The following KIAA1549 variants were observed in gnomAD, a reference collection of about 807,000 sequenced individuals.
KIAA1549 encodes the protein UPF0606 protein KIAA1549.
KIAA1549 carries 70 observed loss-of-function variants against 156.4 expected under a neutral mutation model. The observed-to-expected ratio is 0.45, with a 90% CI of 0.37 to 0.55. KIAA1549 has a LOEUF of 0.55. KIAA1549 is among the 20% of genes least tolerant of loss of function. The pLI is 0.00. For missense variants in KIAA1549, 2,428 were observed against 2,540.9 expected (o/e 0.96, Z 0.96); for synonymous variants, 1,103 against 1,066.4 (o/e 1.03, Z -0.67).
chr7:138,890,405 T>G (rs563166734), intron 10 of KIAA1549, among the ~76,000 whole-genome samples: 5 of 152,370 alleles, frequency 3.3e-5, no homozygotes, highest in African/African-American at 9.6e-5. Context: ...TGAAAGCATT[T>G]ATTACCTGAT....
rs771628594 is a variant in KIAA1549, at chr7:138,861,419, G to A, written c.4967C>T (p.Ser1656Phe). 1.2e-6 allele frequency: 2 copies of A among 1,612,472 alleles called. No individual in the cohort carries two copies. Among genetic ancestry groups the A allele is most frequent in the Non-Finnish European group, 1.7e-6 (2 of 1,179,406 alleles). The change falls in exon 16 of 20, where the codon TCC becomes TTC. Residue 1656 changes from serine to phenylalanine, a missense_variant. Ser to Phe is a radical substitution (Grantham distance 155). Transcript: ENST00000422774. ...TGGATACCTCCCCAGTTCCACCGAG[G>A]ATGGTGTCTGCACATCGGCTGGGAG... is the stretch of plus-strand genomic sequence containing the variant. ...PDLPADVQTP[S>F]SVELGRYPAL... is the part of the protein sequence containing the mutation.
At chr7:138,862,119 A>G (rs1050300594) in intron 15 of KIAA1549, among the ~76,000 whole-genome samples, 1 of 152,170 alleles carries the variant, frequency 6.6e-6, no homozygotes, top group Admixed American at 6.5e-5. Flanking sequence ...GAAGTCAATA[A>G]GTAAAGTAGT....
intron 17 of KIAA1549, among the ~76,000 whole-genome samples, chr7:138,851,287 T>G (rs1563049071): frequency 6.6e-6 from 1 of 152,170 alleles, no homozygotes; most frequent in Non-Finnish European, 1.5e-5. Context: ...TGGATTATCT[T>G]TAAGTTATTT....
intron 1 of KIAA1549, among the ~76,000 whole-genome samples, chr7:138,974,546 T>A (rs922070482): frequency 5.9e-5 from 9 of 151,906 alleles, no homozygotes; most frequent in African/African-American, 2.2e-4. Flanking sequence ...CTCAGCCTCC[T>A]GAGTAGCTGG....
chr7:138,848,219 C>G (rs892841959), intron 17 of KIAA1549, among the ~76,000 whole-genome samples: 3 of 152,150 alleles, frequency 2.0e-5, no homozygotes, highest in Non-Finnish European at 1.5e-5. Context: ...TGTTACAGAG[C>G]AATTTTGAAT....
intron 14 of KIAA1549, 68 bp from the exon 15 acceptor site, chr7:138,868,196 C>A (rs923244563): frequency 1.4e-5 from 21 of 1,470,932 alleles, no homozygotes; most frequent in Non-Finnish European, 1.9e-5. Context: ...ACCAACTAAA[C>A]ACTAAGTACC....
Position 138,919,222 on chromosome 7 carries a change from G to A in KIAA1549, c.404C>T (p.Pro135Leu). ...CACGTAAGTTGCCACAAAGATGCTG[G>A]GATCTGCTGTACTTTTGGTCTGTTT... ...QGKQTKSTAD[P>L]SIFVATYVSV... The change falls in exon 2 of 20, where the codon CCC becomes CTC. Residue 135 changes from proline (P) to leucine (L), a missense_variant. Transcript: ENST00000422774. 1 of 1,613,946 alleles carries A rather than the reference G, an allele frequency of 6.2e-7. No individual in the cohort carries two copies.
At chr7:138,866,009 G>C (rs1485966963) in intron 15 of KIAA1549, among the ~76,000 whole-genome samples, 2 of 152,084 alleles carry the variant, frequency 1.3e-5, no homozygotes, top group African/African-American at 4.8e-5. Context: ...ACCCTGGGGA[G>C]CCCTCCCCAG....
At chr7:138,920,244 T>C (rs1052476814) in intron 1 of KIAA1549, among the ~76,000 whole-genome samples, 3 of 152,246 alleles carry the variant, frequency 2.0e-5, no homozygotes, top group Non-Finnish European at 4.4e-5. Flanking sequence ...TATGGATGGC[T>C]CCTTCTGGCC....
At position 138,835,468 on chromosome 7, in the gene KIAA1549, C is replaced by T. The variant is rs936006721; in HGVS notation, c.*2438G>A. ...TTGAAAGACATCAAAATTGCTTTTA[C>T]GGTCAGCCCAATTTGAAACAGAACC... is the stretch of plus-strand genomic sequence containing the variant. On this transcript the variant is annotated 3_prime_UTR_variant, in exon 20 of 20. Coordinates refer to ENST00000422774, the MANE Select transcript of KIAA1549 (RefSeq NM_001164665.2). 1.4e-5 allele frequency: 3 copies of T among 217,488 alleles called. No individual in the cohort carries two copies. Among genetic ancestry groups the T allele is most frequent in the Non-Finnish European group, 1.9e-5 (2 of 108,104 alleles). The allele number at this position is 217,488 out of a possible 1,614,324, so 13.5% of individuals were successfully genotyped here. A position where few individuals can be genotyped will look rare whatever the true frequency, so the allele number is the denominator to read the frequency against.
intron 8 of KIAA1549, among the ~76,000 whole-genome samples, chr7:138,900,440 A>T (rs1811809026): frequency 6.6e-6 from 1 of 152,244 alleles, no homozygotes; most frequent in Non-Finnish European, 1.5e-5. Flanking sequence ...GTACCTACTT[A>T]TTCCATTTTA....
At chr7:138,958,415 T>C (rs1813734738) in intron 1 of KIAA1549, among the ~76,000 whole-genome samples, 1 of 152,234 alleles carries the variant, frequency 6.6e-6, no homozygotes, top group African/African-American at 2.4e-5. Flanking sequence ...TTCATCCTGT[T>C]GGCTATGCCC....
intron 16 of KIAA1549, 21 bp from the exon 17 acceptor site, chr7:138,852,290 C>A: frequency 1.3e-6 from 2 of 1,562,588 alleles, no homozygotes; most frequent in Non-Finnish European, 8.8e-7. Flanking sequence ...TACAAAAGAA[C>A]ATGAAGATTA....
At chr7:138,897,794 G>A (rs1272197834) in intron 9 of KIAA1549, among the ~76,000 whole-genome samples, 1 of 148,954 alleles carries the variant, frequency 6.7e-6, no homozygotes, top group African/African-American at 2.5e-5. Flanking sequence ...TCAGGAGGCT[G>A]AGGCAGGAGG....
At chr7:138,974,115 C>T (rs974344403) in intron 1 of KIAA1549, among the ~76,000 whole-genome samples, 4 of 152,212 alleles carry the variant, frequency 2.6e-5, no homozygotes, top group Admixed American at 1.3e-4. Flanking sequence ...AAAAGAGACA[C>T]ACAAATGGTC....
intron 8 of KIAA1549, among the ~76,000 whole-genome samples, chr7:138,900,163 C>G (rs140457596): frequency 1.3e-5 from 2 of 152,174 alleles, no homozygotes; most frequent in Admixed American, 6.5e-5. Context: ...GCTGCTGGAC[C>G]CCTCCTTCAC....
At chr7:138,854,277 G>C (rs189402434) in intron 16 of KIAA1549, among the ~76,000 whole-genome samples, 54 of 152,258 alleles carry the variant, frequency 3.5e-4, no homozygotes, top group African/African-American at 1.2e-3. Context: ...GGTAGAGTCT[G>C]GGATAGGCCC....
At chr7:138,869,800 T>A (rs776860951) in intron 13 of KIAA1549, 39 bp from the exon 14 acceptor site, 1 of 1,498,410 alleles carries the variant, frequency 6.7e-7, no homozygotes, top group African/African-American at 1.4e-5. Flanking sequence ...GCCATAGAGG[T>A]CCCGGGAAGC....
chr7:138,954,722 G>A (rs570472288), intron 1 of KIAA1549, among the ~76,000 whole-genome samples: 7 of 152,306 alleles, frequency 4.6e-5, no homozygotes, highest in African/African-American at 1.2e-4. Context: ...TCGTGGAGAG[G>A]TACCTGGCCC....
Sources: gnomAD v4.1 joint callset for allele counts (sites outside exome capture counted in the v4.1 genomes callset) on GRCh38, gnomAD v4.1.1 for gene constraint, MANE v1.5 for transcripts, NCBI Gene and HGNC (gene_info 2026-07-23, HGNC 2026-07-21) for gene names.